SAMD3: variants seen among roughly 807,000 people sequenced by gnomAD.
The protein encoded by SAMD3 is sterile alpha motif domain containing 3.
In SAMD3, 63 loss-of-function variants were observed where a neutral mutation model predicts 58.5. That is an observed-to-expected ratio of 1.08 (90% CI 0.88 to 1.33). The LOEUF (loss-of-function observed/expected upper bound fraction) is 1.33, where lower values mean the gene tolerates loss of function less well. Ranked by LOEUF, SAMD3 falls within the 40% of genes most tolerant of loss-of-function variation. The probability of loss-of-function intolerance (pLI) is 0.00; values close to 1 mark genes in which losing one functional copy is unlikely to be tolerated. For synonymous variants in SAMD3, 220 were observed against 210.3 expected (o/e 1.05, Z -0.40); for missense variants, 604 against 608.4 (o/e 0.99, Z 0.08).
chr6:130,221,009 A>G (rs567854919), intron 1 of SAMD3, among the ~76,000 whole-genome samples: 3 of 152,012 alleles, frequency 2.0e-5, no homozygotes, highest in Admixed American at 1.3e-4. Flanking sequence ...GCCCACCACC[A>G]CGCCCAGCTA....
At chr6:130,342,574 A>G (rs554950689) in intron 1 of SAMD3, among the ~76,000 whole-genome samples, 1 of 152,298 alleles carries the variant, frequency 6.6e-6, no homozygotes, top group South Asian at 2.1e-4. Context: ...TTCTTTAAAA[A>G]ACATAAAATA....
chr6:130,275,062 T>C (rs1347006408), intron 2 of SAMD3, among the ~76,000 whole-genome samples: 1 of 152,198 alleles, frequency 6.6e-6, no homozygotes, highest in Non-Finnish European at 1.5e-5. Flanking sequence ...TATCAAAATA[T>C]ACATTTTGAT....
At chr6:130,154,035 G>A (rs542332096) in intron 9 of SAMD3, among the ~76,000 whole-genome samples, 8 of 151,924 alleles carry the variant, frequency 5.3e-5, no homozygotes, top group East Asian at 1.9e-4. Flanking sequence ...TAAAGGAAAC[G>A]TATTTTTACT....
intron 2 of SAMD3, among the ~76,000 whole-genome samples, chr6:130,280,918 G>C (rs1774958327): frequency 1.3e-5 from 2 of 151,992 alleles, no homozygotes; most frequent in Non-Finnish European, 2.9e-5. Context: ...ATACCCTCAG[G>C]GGATACATTC....
intron 5 of SAMD3, among the ~76,000 whole-genome samples, chr6:130,207,695 T>C (rs561110274): frequency 6.6e-6 from 1 of 152,262 alleles, no homozygotes; most frequent in South Asian, 2.1e-4. Context: ...TGAATCATAG[T>C]TCAATCCAGG....
intron 4 of SAMD3, among the ~76,000 whole-genome samples, chr6:130,210,278 A>T (rs1795421419): frequency 6.6e-6 from 1 of 152,216 alleles, no homozygotes; most frequent in African/African-American, 2.4e-5. Flanking sequence ...TATCCTGCCC[A>T]GATGTTGCCT....
intron 11 of SAMD3, 42 bp from the exon 12 acceptor site, chr6:130,144,846 G>C (rs1199108138): frequency 1.3e-6 from 2 of 1,525,366 alleles, no homozygotes; most frequent in African/African-American, 2.8e-5. Context: ...ACGTAAAATA[G>C]CTAAATAATA....
intron 9 of SAMD3, among the ~76,000 whole-genome samples, chr6:130,151,508 C>A (rs752466080): frequency 3.0e-4 from 46 of 152,292 alleles, no homozygotes; most frequent in Non-Finnish European, 5.4e-4. Flanking sequence ...GTGGCGCAAT[C>A]TCGGCTCACC....
upstream of SAMD3, among the ~76,000 whole-genome samples, chr6:130,224,000 G>A (rs140364959): frequency 4.6e-5 from 7 of 152,268 alleles, no homozygotes; most frequent in African/African-American, 1.7e-4. Flanking sequence ...GAGAATGGGT[G>A]CACAGTTTTA....
chr6:130,325,332 C>T (rs1299302138), intron 1 of SAMD3, among the ~76,000 whole-genome samples: 4 of 152,066 alleles, frequency 2.6e-5, no homozygotes, highest in Non-Finnish European at 2.9e-5. Flanking sequence ...GTGAGCTGTT[C>T]CTGCTGCAAA....
chr6:130,210,327 G>A (rs149485243), intron 4 of SAMD3, among the ~76,000 whole-genome samples: 333 of 152,298 alleles, frequency 2.2e-3, no homozygotes, highest in African/African-American at 7.4e-3. Flanking sequence ...GCCAGGTGTG[G>A]TGGCTCAACA....
At chr6:130,308,435 ATT>A (rs1562513310) in intron 2 of SAMD3, among the ~76,000 whole-genome samples, 17 of 129,800 alleles carry the variant, frequency 1.3e-4, no homozygotes, top group South Asian at 5.1e-4. Flanking sequence ...ATTCTATTCT[ATT>A]CTTTTGTGTG....
intron 7 of SAMD3, among the ~76,000 whole-genome samples, chr6:130,183,808 G>A (rs1344868435): frequency 1.3e-5 from 2 of 151,934 alleles, no homozygotes; most frequent in Admixed American, 6.6e-5. Context: ...TTATGAAAAA[G>A]GGAAGACAAG....
chr6:130,172,676 CAT>C (rs1791358433), intron 8 of SAMD3, among the ~76,000 whole-genome samples: 4 of 152,018 alleles, frequency 2.6e-5, no homozygotes, highest in Non-Finnish European at 5.9e-5. Context: ...GTCTGACAAT[CAT>C]GTGTTTTGGG....
intron 5 of SAMD3, among the ~76,000 whole-genome samples, chr6:130,194,949 A>G (rs1049187285): frequency 3.9e-5 from 6 of 152,086 alleles, no homozygotes; most frequent in African/African-American, 1.4e-4. Flanking sequence ...CTTCTTTTCA[A>G]GGGCCTGTTT....
At chr6:130,272,826 A>G (rs1278176677) in intron 2 of SAMD3, among the ~76,000 whole-genome samples, 2 of 152,172 alleles carry the variant, frequency 1.3e-5, no homozygotes, top group Non-Finnish European at 2.9e-5. Flanking sequence ...TTCCTGGGAC[A>G]TGCCACCATA....
chr6:130,174,691 A>G (rs181722487), intron 8 of SAMD3, among the ~76,000 whole-genome samples: 72 of 152,312 alleles, frequency 4.7e-4, no homozygotes, highest in Non-Finnish European at 8.7e-4. Flanking sequence ...TTATAATTTT[A>G]GTTTGTAATT....
intron 1 of SAMD3, among the ~76,000 whole-genome samples, chr6:130,353,090 G>A (rs1038658908): frequency 6.6e-6 from 1 of 152,156 alleles, no homozygotes; most frequent in Non-Finnish European, 1.5e-5. Context: ...CTCACTACCA[G>A]TTAGAAAGGC....
At chr6:130,220,569 G>A (rs970526896) in intron 1 of SAMD3, among the ~76,000 whole-genome samples, 1 of 152,222 alleles carries the variant, frequency 6.6e-6, no homozygotes, top group African/African-American at 2.4e-5. Flanking sequence ...AAAGCTGGAT[G>A]TGTGACTGAG....
Sources: gnomAD v4.1 joint callset for allele counts (sites outside exome capture counted in the v4.1 genomes callset) on GRCh38, gnomAD v4.1.1 for gene constraint, MANE v1.5 for transcripts, NCBI Gene and HGNC (gene_info 2026-07-23, HGNC 2026-07-21) for gene names.